Variants in MUC5AC observed in about 807,000 individuals in gnomAD.
The protein encoded by MUC5AC is mucin-5AC.
MUC5AC carries 158 observed loss-of-function variants against 169.7 expected under a neutral mutation model. The ratio of observed to expected loss-of-function variants is 0.93; its 90% CI spans 0.82 to 1.06. MUC5AC has a LOEUF of 1.06. MUC5AC is among the 50% of genes least tolerant of loss of function. The pLI is 0.00. For synonymous variants in MUC5AC, 1,975 were observed against 1,237.0 expected, an observed-to-expected ratio of 1.60 and a Z score of -12.52; for missense variants, 4,359 against 3,089.9, an observed-to-expected ratio of 1.41 and a Z score of -9.74.
At chr11:1,162,336 T>C (rs925867613) in intron 4 of MUC5AC, among the ~76,000 whole-genome samples, 168 bp downstream of exon 4, 17 of 152,158 alleles carry the variant, frequency 1.1e-4, no homozygotes, top group African/African-American at 4.1e-4. Context: ...CACCTGCCCC[T>C]CCTGGGATCC....
At position 1,198,016 on chromosome 11, in the gene MUC5AC, G is replaced by T. The variant is rs1197450633; in HGVS notation, c.16135+12G>T. On this transcript the variant is annotated intron_variant, in intron 42 of 48. Coordinates refer to ENST00000621226, the MANE Select transcript of MUC5AC (RefSeq NM_001304359.2). ...AGTCCAAAACTGCAGTGAGTGGCCT[G>T]GACCAGGCCCTGTCAGGGGCCGTGG... 4 of 671,132 alleles carry T rather than the reference G, an allele frequency of 6.0e-6. No homozygotes were observed. In the South Asian group the frequency reaches 6.5e-5, roughly 11 times the overall value. 41.6% of individuals were successfully genotyped at this position (671,132 alleles called of 1,614,324 possible).
At chr11:1,192,728 G>T (rs1861154701) in intron 31 of MUC5AC, 55 bp from the exon 32 acceptor site, 14 of 701,000 alleles carry the variant, frequency 2.0e-5, no homozygotes, top group Admixed American at 1.0e-4. Context: ...GGAGTTTTTT[G>T]CTTCTCCTTT....
Position 1,186,554 on chromosome 11 carries a change from C to T in MUC5AC, c.8409C>T (p.Ser2803=). ...TTSTTSTTIT[S]TTSAPISSTT... is the part of the protein sequence containing the mutation. Reference sequence around the variant, plus strand: ...GCACAACCTCTACTACTATAACCAGCACAACTTCTGCCCCTATAAGCAGCA... The same window carrying T: ...GCACAACCTCTACTACTATAACCAGTACAACTTCTGCCCCTATAAGCAGCA... The change falls in exon 31 of 49, where the codon AGC becomes AGT. Residue 2803 remains serine (S), a synonymous_variant. Coordinates refer to ENST00000621226, the MANE Select transcript of MUC5AC (RefSeq NM_001304359.2). 10 of 702,224 alleles carry T rather than the reference C, an allele frequency of 1.4e-5. No individual in the cohort carries two copies. Among genetic ancestry groups the T allele is most frequent in the African/African-American group, 1.7e-5 (1 of 57,254 alleles). 43.5% of individuals were successfully genotyped at this position (702,224 alleles called of 1,614,324 possible).
intron 19 of MUC5AC, among the ~76,000 whole-genome samples, chr11:1,175,721 C>T (rs1860660860): frequency 6.7e-6 from 1 of 148,904 alleles, no homozygotes. Context: ...CACGCTCACA[C>T]ACCCACTCAT....
chr11:1,182,576 G>T lies in MUC5AC; in HGVS notation c.4431G>T (p.Thr1477=). ...YNYQIRVQCC[T]PLPCSTSSSP... ...ACCAGATCAGGGTCCAGTGCTGCAC[G>T]CCCCTACCCTGCTCCACCTCTAGCA... The change falls in exon 31 of 49, where the codon ACG becomes ACT. Residue 1477 remains threonine, a synonymous_variant. Transcript: ENST00000621226. 1 of 398,616 alleles carries T rather than the reference G, an allele frequency of 2.5e-6. No homozygotes were observed. The highest frequency in any genetic ancestry group is 4.4e-6 in the Non-Finnish European group (1 of 226,134). 24.7% of individuals were successfully genotyped at this position (398,616 alleles called of 1,614,324 possible).
Position 1,196,036 on chromosome 11 carries a change from C to T in MUC5AC, c.15619C>T (p.Arg5207Trp), listed in dbSNP as rs369229393. The part of the protein sequence containing the change: ...SHDICIDWRG[R>W]TGHMCPFTCP... ...CGACATCTGCATCGATTGGAGAGGC[C>T]GGACCGGCCACATGTGCCGTGAGTG... is the stretch of plus-strand genomic sequence containing the variant. The change falls in exon 37 of 49, where the codon CGG (arginine) becomes TGG (tryptophan). Residue 5207 changes from arginine (R) to tryptophan (W), a missense_variant. Arg to Trp is a moderately radical substitution (Grantham distance 101). Transcript: ENST00000621226. 15 of 764,452 alleles carry T rather than the reference C, an allele frequency of 2.0e-5. No homozygotes were observed. Among genetic ancestry groups the T allele is most frequent in the East Asian group, 7.3e-5 (3 of 41,258 alleles). 47.4% of individuals were successfully genotyped at this position (764,452 alleles called of 1,614,324 possible).
In MUC5AC at chr11:1,184,527, G is replaced by A. The variant is rs1327225156; in HGVS notation, c.6382G>A (p.Val2128Met). The change falls in exon 31 of 49, where the codon GTG (valine) becomes ATG (methionine). Residue 2128 changes from valine to methionine, a missense_variant. Val to Met is a conservative substitution (Grantham distance 21, BLOSUM62 1). Transcript: ENST00000621226. ...PRCTWTTWFDVDFPSPGPHGG... is the reference protein window; with the variant it reads ...PRCTWTTWFDMDFPSPGPHGG... ...GTGCACCTGGACAACGTGGTTCGAC[G>A]TGGACTTCCCGTCCCCCGGACCCCA... 1.9e-4 allele frequency: 127 copies of A among 652,224 alleles called. No homozygotes were observed. The East Asian group carries it at 2.1e-3, about 11-fold the overall frequency. The allele number at this position is 652,224 out of a possible 1,614,324, so 40.4% of individuals were successfully genotyped here.
chr11:1,185,467 C>A lies in MUC5AC; in HGVS notation c.7322C>A (p.Thr2441Lys). 1.4e-6 allele frequency: 1 copy of A among 728,254 alleles called. No individual in the cohort carries two copies. The highest frequency in any genetic ancestry group is 2.5e-6 in the Non-Finnish European group (1 of 399,222). The allele number at this position is 728,254 out of a possible 1,614,324, so 45.1% of individuals were successfully genotyped here. The change falls in exon 31 of 49, where the codon ACA becomes AAA. Residue 2441 changes from threonine to lysine, a missense_variant. Coordinates refer to ENST00000621226, the MANE Select transcript of MUC5AC (RefSeq NM_001304359.2). ...SPQTSTTSAP[T>K]TSTTSGPGTT... ...CAGACCAGCACAACCTCGGCTCCTA[C>A]AACCAGCACAACTTCTGGTCCTGGA...
In MUC5AC at chr11:1,164,299, G is replaced by T; in HGVS notation, c.983G>T (p.Trp328Leu). The T allele has an allele frequency of 6.2e-7, 1 of 1,612,302 alleles. No individual in the cohort carries two copies. Among genetic ancestry groups the T allele is most frequent in the Middle Eastern group, 1.6e-4 (1 of 6,062 alleles). The change falls in exon 8 of 49, where the codon TGG becomes TTG. Residue 328 changes from tryptophan (W) to leucine (L), a missense_variant. Coordinates refer to ENST00000621226, the MANE Select transcript of MUC5AC (RefSeq NM_001304359.2). ...CATGCAGGGGGGTTGCCCCAGGACT[G>T]GCGGGGCCCTGACTTCTGCCGTGAG... ...CTHAGGLPQDWRGPDFCPQKC... is the reference protein window; with the variant it reads ...CTHAGGLPQDLRGPDFCPQKC...
Position 1,190,053 on chromosome 11 carries a change from C to T in MUC5AC, c.11908C>T (p.Pro3970Ser), listed in dbSNP as rs1590147553. The T allele has an allele frequency of 1.3e-6, 1 of 764,922 alleles. No homozygotes were observed. The highest frequency in any genetic ancestry group is 2.4e-5 in the East Asian group (1 of 41,256). 47.4% of individuals were successfully genotyped at this position (764,922 alleles called of 1,614,324 possible). A position where few individuals can be genotyped will look rare whatever the true frequency, so the allele number is the denominator to read the frequency against. ...GTGGTTTGACGTGGACTTTCCATCC[C>T]CTGGACCCCACGGTGGGGACAAGGA... ...TKWFDVDFPS[P>S]GPHGGDKETY... Residue 3970 changes from proline to serine, a missense_variant, in exon 31 of 49, where the codon CCT becomes TCT. Physicochemically the swap from Pro to Ser is moderately conservative, Grantham distance 74. Transcript: ENST00000621226.
chr11:1,168,853 C>T lies in MUC5AC; in HGVS notation c.1706-9C>T, dbSNP rs751047201. 5.2e-5 allele frequency: 82 copies of T among 1,584,172 alleles called. 1 individual carries two copies. The highest frequency in any genetic ancestry group is 6.7e-5 in the African/African-American group (5 of 74,152). On this transcript the variant is annotated splice_polypyrimidine_tract_variant and intron_variant, in intron 14 of 48. Coordinates refer to ENST00000621226, the MANE Select transcript of MUC5AC (RefSeq NM_001304359.2). ...CGCATGGTCCTCAACCTGCCTAACC[C>T]GCCCCCAGGTCTCTGTGGGAACTTC...
At chr11:1,171,260 ACCCAC>A (rs1860515690) in intron 15 of MUC5AC, among the ~76,000 whole-genome samples, 1 of 96,826 alleles carries the variant, frequency 1.0e-5, no homozygotes, top group Non-Finnish European at 2.4e-5. Context: ...TCATCCACTC[ACCCAC>A]TCACTCACCC....
chr11:1,194,625 G>C lies in MUC5AC; in HGVS notation c.15145G>C (p.Glu5049Gln), dbSNP rs758448255. Residue 5049 changes from glutamate (E) to glutamine (Q), a missense_variant, in exon 35 of 49, where the codon GAG becomes CAG. Transcript: ENST00000621226. The part of the protein sequence containing the change: ...VMFSGLIFSV[E>Q]VPFSKFANNT... ...GTTCTCCGGCCTCATCTTCTCCGTG[G>C]AGGTGCCCTTCAGCAAGTTTGCCAA... 1 of 764,246 alleles carries C rather than the reference G, an allele frequency of 1.3e-6. No individual in the cohort carries two copies. The highest frequency in any genetic ancestry group is 2.4e-6 in the Non-Finnish European group (1 of 417,322). 47.3% of individuals were successfully genotyped at this position (764,246 alleles called of 1,614,324 possible). A position where few individuals can be genotyped will look rare whatever the true frequency, so the allele number is the denominator to read the frequency against.
chr11:1,197,843 G>T, intron 41 of MUC5AC, 60 bp from the exon 42 acceptor site: 2 of 682,138 alleles, frequency 2.9e-6, no homozygotes, highest in East Asian at 2.7e-5. Context: ...ACCCCAGGGG[G>T]TGGGCCTTCG....
At chr11:1,198,597 G>A (rs1158220016) in intron 43 of MUC5AC, among the ~76,000 whole-genome samples, 3 of 152,116 alleles carry the variant, frequency 2.0e-5, no homozygotes, top group Admixed American at 6.5e-5. Context: ...GTCCTGAGCC[G>A]GCTGAGTATG....
In MUC5AC at chr11:1,179,086, C is replaced by A; in HGVS notation, c.3328-6C>A. 1.8e-6 allele frequency: 1 copy of A among 552,704 alleles called. No individual in the cohort carries two copies. The highest frequency in any genetic ancestry group is 2.4e-5 in the South Asian group (1 of 42,514). The allele number at this position is 552,704 out of a possible 1,614,324, so 34.2% of individuals were successfully genotyped here. A position where few individuals can be genotyped will look rare whatever the true frequency, so the allele number is the denominator to read the frequency against. On this transcript the variant is annotated splice_polypyrimidine_tract_variant and splice_region_variant and intron_variant, in intron 25 of 48. Transcript: ENST00000621226. ...TCCCTGGAACCTGAAGCCCCGTCTC[C>A]CTCAGGTGGAGCCGGCCAGGTACTA...
In MUC5AC at chr11:1,186,915, A is replaced by G. The variant is rs1860964480; in HGVS notation, c.8770A>G (p.Thr2924Ala). 6 of 722,210 alleles carry G rather than the reference A, an allele frequency of 8.3e-6. 1 individual carries two copies. Among genetic ancestry groups the G allele is most frequent in the Middle Eastern group, 4.6e-4 (2 of 4,386 alleles). 44.7% of individuals were successfully genotyped at this position (722,210 alleles called of 1,614,324 possible). ...TSTTSAPTSS[T>A]TSATTTSTIS... ...CACAACCTCTGCCCCTACAAGCAGC[A>G]CAACCTCAGCTACTACAACCAGCAC... The change falls in exon 31 of 49, where the codon ACA (threonine) becomes GCA (alanine). Residue 2924 changes from threonine to alanine, a missense_variant. Physicochemically the swap from Thr to Ala is moderately conservative, Grantham distance 58 (BLOSUM62 0). Coordinates refer to ENST00000621226, the MANE Select transcript of MUC5AC (RefSeq NM_001304359.2).
At position 1,187,084 on chromosome 11, in the gene MUC5AC, C is replaced by A; in HGVS notation, c.8939C>A (p.Pro2980His). ...TSTTSGPGTT[P>H]SPVPTTSTTS... is the part of the protein sequence containing the mutation. ...ACAACCTCTGGTCCTGGAACTACTC[C>A]CAGCCCTGTTCCCACCACCAGCACA... The change falls in exon 31 of 49, where the codon CCC becomes CAC. Residue 2980 changes from proline to histidine, a missense_variant. By Grantham distance (77) the Pro-to-His change is moderately conservative (BLOSUM62 -2). Transcript: ENST00000621226. The A allele has an allele frequency of 5.3e-6, 4 of 750,760 alleles. No homozygotes were observed. The highest frequency in any genetic ancestry group is 9.7e-6 in the Non-Finnish European group (4 of 410,926). The allele number at this position is 750,760 out of a possible 1,614,324, so 46.5% of individuals were successfully genotyped here.
intron 16 of MUC5AC, 67 bp from the exon 17 acceptor site, chr11:1,174,429 C>A: frequency 7.1e-6 from 7 of 986,972 alleles, no homozygotes; most frequent in Middle Eastern, 2.3e-4. Flanking sequence ...GTGTGGCCTG[C>A]AGGGCGTGGG....
Sources: allele counts gnomAD v4.1 joint callset (sites outside exome capture counted in the v4.1 genomes callset), GRCh38; gene constraint gnomAD v4.1.1; transcripts MANE v1.5; gene names NCBI Gene and HGNC (gene_info 2026-07-23, HGNC 2026-07-21).